The following DNAAF1 variants were observed in gnomAD, a reference collection of about 807,000 sequenced individuals.
DNAAF1 encodes the protein dynein axonemal assembly factor 1.
In DNAAF1, 65 loss-of-function variants were observed where a neutral mutation model predicts 71.1. That is an observed-to-expected ratio of 0.91 (90% CI 0.75 to 1.12). The LOEUF is 1.12. Ranked by LOEUF, DNAAF1 falls within the 50% of genes most tolerant of loss-of-function variation. The pLI is 0.00. For missense variants in DNAAF1, 1,178 were observed against 899.8 expected, an observed-to-expected ratio of 1.31 and a Z score of -3.96; for synonymous variants, 414 against 354.6, an observed-to-expected ratio of 1.17 and a Z score of -1.88.
intron 5 of DNAAF1, 51 bp from the exon 6 acceptor site, chr16:84,159,624 A>C: frequency 6.4e-7 from 1 of 1,565,044 alleles, no homozygotes; most frequent in Non-Finnish European, 8.7e-7. Flanking sequence ...ATATAAAATA[A>C]TTCAATCGCA....
chr16:84,150,367 T>A (rs372529898), intron 3 of DNAAF1, 25 bp downstream of exon 3: 2 of 1,533,106 alleles, frequency 1.3e-6, no homozygotes, highest in South Asian at 2.2e-5. Flanking sequence ...GAGGAAGTGC[T>A]TCACGTCAGG....
chr16:84,146,591 C>T (rs1299242085), intron 1 of DNAAF1, among the ~76,000 whole-genome samples: 1 of 152,110 alleles, frequency 6.6e-6, no homozygotes, highest in East Asian at 1.9e-4. Context: ...GTGACGTGCT[C>T]CTGTAATTCC....
chr16:84,154,774 T>C lies in DNAAF1; in HGVS notation c.550T>C (p.Tyr184His). 1 of 1,614,066 alleles carries C rather than the reference T, an allele frequency of 6.2e-7. No individual in the cohort carries two copies. Among genetic ancestry groups the C allele is most frequent in the Non-Finnish European group, 8.5e-7 (1 of 1,179,946 alleles). ...KLDALNLSNN[Y>H]IKTIENLSCL... ...GGATGCTCTTAACCTCAGCAACAAT[T>C]ACATCAAGACCATTGAAAACCTCTG... Residue 184 changes from tyrosine to histidine, a missense_variant, in exon 4 of 12, where the codon TAC becomes CAC. Tyr to His is a moderately conservative substitution (Grantham distance 83, BLOSUM62 2). Transcript: ENST00000378553.
At chr16:84,171,679 A>G (rs918743211) in intron 8 of DNAAF1, among the ~76,000 whole-genome samples, 1 of 151,904 alleles carries the variant, frequency 6.6e-6, no homozygotes, top group Non-Finnish European at 1.5e-5. Context: ...ATCCCTTGTC[A>G]CCCTGCAGTC....
intron 5 of DNAAF1, 48 bp from the exon 6 acceptor site, chr16:84,159,627 C>T: frequency 6.4e-7 from 1 of 1,567,578 alleles, no homozygotes; most frequent in African/African-American, 1.4e-5. Context: ...TAAAATAATT[C>T]AATCGCATCT....
chr16:84,147,657 A>G (rs759522647), intron 1 of DNAAF1, among the ~76,000 whole-genome samples: 1 of 152,294 alleles, frequency 6.6e-6, no homozygotes, highest in South Asian at 2.1e-4. Flanking sequence ...AGAACAAAGA[A>G]CATTAAAACA....
chr16:84,170,699 G>C (rs184658309), intron 8 of DNAAF1, among the ~76,000 whole-genome samples: 4 of 152,256 alleles, frequency 2.6e-5, no homozygotes, highest in African/African-American at 9.6e-5. Context: ...GGGAATTGTG[G>C]TGTGCCCCTG....
intron 3 of DNAAF1, among the ~76,000 whole-genome samples, chr16:84,153,316 C>T (rs1014070383): frequency 6.6e-6 from 1 of 152,106 alleles, no homozygotes; most frequent in East Asian, 1.9e-4. Flanking sequence ...GATGGGATGA[C>T]CTATGCAGCA....
chr16:84,156,915 T>A (rs1394674353), intron 5 of DNAAF1, among the ~76,000 whole-genome samples: 1 of 146,114 alleles, frequency 6.8e-6, no homozygotes, highest in Admixed American at 6.9e-5. Context: ...TGCAGTGGTA[T>A]AATCATGGCT....
Position 84,150,145 on chromosome 16 carries a change from A to T in DNAAF1, c.261-106A>T, listed in dbSNP as rs987720247. The T allele has an allele frequency of 1.9e-5, 15 of 781,262 alleles. No homozygotes were observed. In the Admixed American group the frequency reaches 2.7e-4, roughly 14 times the overall value. The allele number at this position is 781,262 out of a possible 1,614,324, so 48.4% of individuals were successfully genotyped here. Reference sequence around the variant, plus strand: ...TTAAAATAGGTATCAGGGATATAGGATGTTATAGAATTTTGGGCAGGAATG... The same window carrying T: ...TTAAAATAGGTATCAGGGATATAGGTTGTTATAGAATTTTGGGCAGGAATG... On this transcript the variant is annotated intron_variant, in intron 2 of 11. Transcript: ENST00000378553.
At position 84,170,326 on chromosome 16, in the gene DNAAF1, C is replaced by T; in HGVS notation, c.1498C>T (p.Pro500Ser). The T allele has an allele frequency of 1.2e-6, 2 of 1,611,888 alleles. No individual in the cohort carries two copies. Among genetic ancestry groups the T allele is most frequent in the Non-Finnish European group, 1.7e-6 (2 of 1,179,164 alleles). The change falls in exon 8 of 12, where the codon CCA (proline) becomes TCA (serine). Residue 500 changes from proline (P) to serine (S), a missense_variant. Physicochemically the swap from Pro to Ser is moderately conservative, Grantham distance 74. Transcript: ENST00000378553. ...PEGTLPAEAP[P>S]PPPLGAAREE... Reference sequence around the variant, plus strand: ...GGGGACCCTCCCAGCTGAGGCCCCACCACCACCGCCCCTGGGAGCTGCCAG... The same window carrying T: ...GGGGACCCTCCCAGCTGAGGCCCCATCACCACCGCCCCTGGGAGCTGCCAG...
chr16:84,146,739 C>A (rs893111868), intron 1 of DNAAF1, among the ~76,000 whole-genome samples: 5 of 150,588 alleles, frequency 3.3e-5, no homozygotes, highest in African/African-American at 4.9e-5. Context: ...AGCAAGACTC[C>A]GTCTCAAAAA....
At chr16:84,176,732 G>C (rs2088695814) in intron 11 of DNAAF1, 1 of 281,052 alleles carries the variant, frequency 3.6e-6, no homozygotes. Context: ...AGCCACACAA[G>C]GGCGTGGCTG....
chr16:84,149,690 C>CAAAA (rs11335691), intron 2 of DNAAF1, among the ~76,000 whole-genome samples: 5 of 94,320 alleles, frequency 5.3e-5, no homozygotes, highest in South Asian at 3.5e-4. Flanking sequence ...GACTCCATCT[C>CAAAA]AAAAAAAAAA....
chr16:84,150,675 G>C (rs1242879823), intron 3 of DNAAF1, among the ~76,000 whole-genome samples: 1 of 147,214 alleles, frequency 6.8e-6, no homozygotes, highest in East Asian at 2.0e-4. Context: ...AAGTGCAGTG[G>C]TGCAATCTCT....
chr16:84,161,103 C>A (rs62048439), intron 6 of DNAAF1, among the ~76,000 whole-genome samples: 23,418 of 152,064 alleles, frequency 0.15, 2,320 homozygotes, highest in African/African-American at 0.29. Flanking sequence ...CTACGTTACA[C>A]CCTTGGGGGA....
At chr16:84,174,603 G>GTGACGT in intron 9 of DNAAF1, 66 bp from the exon 10 acceptor site, 1 of 1,613,574 alleles carries the variant, frequency 6.2e-7, no homozygotes, top group South Asian at 1.1e-5. Flanking sequence ...TGCCTTTATC[G>GTGACGT]TGCCTATCAG....
intron 1 of DNAAF1, among the ~76,000 whole-genome samples, chr16:84,147,752 GC>G (rs922871492): frequency 2.4e-3 from 364 of 150,418 alleles, no homozygotes; most frequent in African/African-American, 4.8e-3. Flanking sequence ...AAAGAAATAA[GC>G]CCCCCCCAAA....
intron 6 of DNAAF1, among the ~76,000 whole-genome samples, chr16:84,162,955 G>A (rs2087785993): frequency 6.6e-6 from 1 of 152,186 alleles, no homozygotes; most frequent in Non-Finnish European, 1.5e-5. Context: ...TATAAATGGA[G>A]TCACTCACCA....
Sources: allele counts gnomAD v4.1 joint callset (sites outside exome capture counted in the v4.1 genomes callset), GRCh38; gene constraint gnomAD v4.1.1; transcripts MANE v1.5; gene names NCBI Gene and HGNC (gene_info 2026-07-23, HGNC 2026-07-21).